The following MAPKAPK5 variants were observed in gnomAD, a reference collection of about 807,000 sequenced individuals.
MAPKAPK5 encodes the protein MAP kinase-activated protein kinase 5.
Under a neutral mutation model 65.1 loss-of-function variants are expected in MAPKAPK5, and 30 were observed. The observed-to-expected ratio is 0.46, with a 90% CI of 0.34 to 0.63. The LOEUF is 0.63. MAPKAPK5 is among the 20% of genes least tolerant of loss of function. The pLI is 0.01. For synonymous variants in MAPKAPK5, 179 were observed against 204.6 expected, an observed-to-expected ratio of 0.87 and a Z score of 1.07; for missense variants, 433 against 581.4, an observed-to-expected ratio of 0.74 and a Z score of 2.63.
rs1453593361 is a variant in MAPKAPK5 at position 111,901,287 on chromosome 12, T to G, written c.*8226T>G. ...AAAAACGTGTAATGGGAAGGGAGTTTGTAATGATTTAGGGCACTGCCACTG... is the reference window on the plus strand; with the variant it reads ...AAAAACGTGTAATGGGAAGGGAGTTGGTAATGATTTAGGGCACTGCCACTG... On this transcript the variant is annotated 3_prime_UTR_variant, in exon 14 of 14. Transcript: ENST00000550735. 6.6e-6 allele frequency: 3 copies of G among 455,644 alleles called. No homozygotes were observed. The East Asian group carries it at 2.1e-4, about 32-fold the overall frequency. The allele number at this position is 455,644 out of a possible 1,614,324, so 28.2% of individuals were successfully genotyped here.
rs533633209 is a variant in MAPKAPK5 at position 111,850,408 on chromosome 12, C to CT, written c.36+7640dup. On this transcript the variant is annotated intron_variant, in intron 1 of 13. Transcript: ENST00000550735. ...TATAAGAAAGGCATAACTATAGACT[C>CT]TAATATTTTTCGAGAAAAAGTCATT... Among the ~76,000 whole-genome samples, 21 of 152,190 alleles carry CT rather than the reference C, an allele frequency of 1.4e-4. No homozygotes were observed. The East Asian group carries it at 3.9e-3, about 28-fold the overall frequency.
At chr12:111,881,362 C>T (rs1391043145) in intron 8 of MAPKAPK5, among the ~76,000 whole-genome samples, 1 of 150,282 alleles carries the variant, frequency 6.7e-6, no homozygotes, top group Non-Finnish European at 1.5e-5. Flanking sequence ...GCGTGAGCCA[C>T]CGCACCCAGC....
At position 111,842,704 on chromosome 12, in the gene MAPKAPK5, C is replaced by T; in HGVS notation, c.-30C>T. 3 of 1,368,768 alleles carry T rather than the reference C, an allele frequency of 2.2e-6. No homozygotes were observed. Among genetic ancestry groups the T allele is most frequent in the Non-Finnish European group, 2.8e-6 (3 of 1,055,306 alleles). 84.8% of individuals were successfully genotyped at this position (1,368,768 alleles called of 1,614,324 possible). ...GGACAGGGCTGCTGAGCAGCCTCCG[C>T]CTCTCCCGGCTGTGGGGGCCCCACT... On this transcript the variant is annotated 5_prime_UTR_variant, in exon 1 of 14. Transcript: ENST00000550735.
intron 13 of MAPKAPK5, among the ~76,000 whole-genome samples, chr12:111,890,640 G>A (rs1311934800): frequency 6.6e-6 from 1 of 152,114 alleles, no homozygotes; most frequent in East Asian, 1.9e-4. Flanking sequence ...AGCAAATAAG[G>A]TAGAGATGAA....
At chr12:111,849,494 C>T (rs948142686) in intron 1 of MAPKAPK5, among the ~76,000 whole-genome samples, 4 of 149,528 alleles carry the variant, frequency 2.7e-5, no homozygotes, top group Admixed American at 2.0e-4. Context: ...AAACTCCTGA[C>T]CTTGTGATCT....
At chr12:111,858,559 T>TC (rs1555268895) in intron 1 of MAPKAPK5, among the ~76,000 whole-genome samples, 28 of 150,302 alleles carry the variant, frequency 1.9e-4, no homozygotes, top group African/African-American at 4.9e-4. Flanking sequence ...TTTTTTTTTT[T>TC]CCAAAACGGA....
At chr12:111,875,771 C>G (rs770953580) in intron 7 of MAPKAPK5, among the ~76,000 whole-genome samples, 2 of 152,094 alleles carry the variant, frequency 1.3e-5, no homozygotes, top group Non-Finnish European at 2.9e-5. Context: ...ATTCTTTTTA[C>G]CCAAATGGCA....
chr12:111,887,357 AG>A (rs2070437049), intron 10 of MAPKAPK5, among the ~76,000 whole-genome samples: 2 of 152,140 alleles, frequency 1.3e-5, no homozygotes, highest in Admixed American at 1.3e-4. Flanking sequence ...CAGCACATAG[AG>A]GTTACTCAAG....
rs938622830 is a variant in MAPKAPK5, at chr12:111,883,485, C to A, written c.661-96C>A. 1.0e-6 allele frequency: 1 copy of A among 1,001,782 alleles called. No individual in the cohort carries two copies. Among genetic ancestry groups the A allele is most frequent in the East Asian group, 2.4e-5 (1 of 41,762 alleles). 62.1% of individuals were successfully genotyped at this position (1,001,782 alleles called of 1,614,324 possible). A position where few individuals can be genotyped will look rare whatever the true frequency, so the allele number is the denominator to read the frequency against. ...TTAAGTGACTCTAGTTTATATCAGC[C>A]TATATATTGCAGGGGCTATTCCTGA... On this transcript the variant is annotated intron_variant, in intron 8 of 13. Coordinates refer to ENST00000550735, the MANE Select transcript of MAPKAPK5 (RefSeq NM_003668.4). The surrounding 1 kb of genome is among the most constrained non-coding windows in gnomAD (Gnocchi z 4.8).
intron 1 of MAPKAPK5, among the ~76,000 whole-genome samples, chr12:111,854,304 T>G (rs4767072): frequency 7.3e-5 from 11 of 151,304 alleles, no homozygotes; most frequent in Admixed American, 2.0e-4. Context: ...TGCAGTGGCA[T>G]GATCTCAGCT....
intron 1 of MAPKAPK5, among the ~76,000 whole-genome samples, chr12:111,848,728 G>A (rs1370349779): frequency 6.6e-6 from 1 of 151,500 alleles, no homozygotes. Flanking sequence ...GCCCGTTTTA[G>A]AATTGCTTTT....
chr12:111,861,616 A>G (rs1002527345), intron 1 of MAPKAPK5, among the ~76,000 whole-genome samples: 1 of 152,144 alleles, frequency 6.6e-6, no homozygotes, highest in African/African-American at 2.4e-5. Flanking sequence ...ATGAGCCACC[A>G]TGCCCGGCCT....
intron 1 of MAPKAPK5, among the ~76,000 whole-genome samples, chr12:111,844,750 C>T (rs192990270): frequency 2.2e-4 from 34 of 152,224 alleles, no homozygotes; most frequent in African/African-American, 7.7e-4. Flanking sequence ...TAGGGTAGTC[C>T]GAGGAGGTGA....
chr12:111,877,368 T>C (rs12426566), intron 7 of MAPKAPK5, among the ~76,000 whole-genome samples: 29,683 of 152,016 alleles, frequency 0.2, 3,107 homozygotes, highest in Middle Eastern at 0.27. Flanking sequence ...TCCATTTGCT[T>C]ATTTTTTTAA....
At chr12:111,865,612 C>T (rs1384597011) in intron 2 of MAPKAPK5, among the ~76,000 whole-genome samples, 3 of 151,594 alleles carry the variant, frequency 2.0e-5, no homozygotes, top group Non-Finnish European at 4.4e-5. Flanking sequence ...CTGAGGCAGG[C>T]GGATCATGAG....
intron 13 of MAPKAPK5, among the ~76,000 whole-genome samples, chr12:111,890,428 C>T (rs945122598): frequency 6.6e-6 from 1 of 152,090 alleles, no homozygotes; most frequent in African/African-American, 2.4e-5. Flanking sequence ...AAAAAAAACC[C>T]CCAAATTTCA....
At chr12:111,889,159 A>G (rs2070516409) in intron 12 of MAPKAPK5, 159 bp downstream of exon 12, 6 of 701,184 alleles carry the variant, frequency 8.6e-6, no homozygotes, top group East Asian at 2.9e-5. Context: ...AAGGTAGTCT[A>G]TGCCCACTAA....
intron 1 of MAPKAPK5, among the ~76,000 whole-genome samples, chr12:111,845,656 T>G (rs1288551792): frequency 6.6e-6 from 1 of 152,164 alleles, no homozygotes; most frequent in Non-Finnish European, 1.5e-5. Flanking sequence ...GCACGGTGGC[T>G]CACACCTGTA....
At chr12:111,846,069 G>C (rs1439655063) in intron 1 of MAPKAPK5, among the ~76,000 whole-genome samples, 1 of 152,130 alleles carries the variant, frequency 6.6e-6, no homozygotes, top group Non-Finnish European at 1.5e-5. Flanking sequence ...TCACTCAGAA[G>C]TACTCAATAG....
Sources: allele counts gnomAD v4.1 joint callset (sites outside exome capture counted in the v4.1 genomes callset), GRCh38; gene constraint gnomAD v4.1.1; non-coding constraint Gnocchi (gnomAD v3.1); transcripts MANE v1.5; gene names NCBI Gene and HGNC (gene_info 2026-07-23, HGNC 2026-07-21).